Variants in NCK2 observed in about 807,000 individuals in gnomAD.
The protein encoded by NCK2 is cytoplasmic protein NCK2.
NCK2 carries 16 observed loss-of-function variants against 33.9 expected under a neutral mutation model. The ratio of observed to expected loss-of-function variants is 0.47; its 90% CI spans 0.32 to 0.72. NCK2 has a LOEUF of 0.72. NCK2 is among the 30% of genes least tolerant of loss of function. The pLI, the probability that NCK2 is intolerant of heterozygous loss-of-function variation, is 0.03. For missense variants in NCK2, 418 were observed against 537.3 expected (o/e 0.78, Z 2.19); for synonymous variants, 273 against 239.9 (o/e 1.14, Z -1.27).
chr2:105,848,766 A>T (rs944563631), intron 2 of NCK2, among the ~76,000 whole-genome samples: 7 of 152,224 alleles, frequency 4.6e-5, no homozygotes, highest in African/African-American at 1.7e-4. Context: ...CTGTATTTGA[A>T]TGAGTTTCCA....
intron 1 of NCK2, among the ~76,000 whole-genome samples, chr2:105,783,864 C>G (rs1215458069): frequency 1.3e-5 from 2 of 152,124 alleles, no homozygotes; most frequent in Non-Finnish European, 2.9e-5. Flanking sequence ...TGTTTCGCTT[C>G]TCCCTTTATA....
intron 2 of NCK2, among the ~76,000 whole-genome samples, chr2:105,820,910 GAGTC>G (rs1430160048): frequency 6.6e-6 from 1 of 152,174 alleles, no homozygotes; most frequent in Admixed American, 6.5e-5. Flanking sequence ...TTCACAAACC[GAGTC>G]AGTTGGTGAT....
At chr2:105,885,899 T>G (rs1429536761) in intron 4 of NCK2, among the ~76,000 whole-genome samples, 2 of 152,088 alleles carry the variant, frequency 1.3e-5, no homozygotes, top group Non-Finnish European at 2.9e-5. Flanking sequence ...TTGGGGGGCT[T>G]TTTTGTGTTT....
rs570279488 is a variant in NCK2 at position 105,892,184 on chromosome 2, C to CA, written c.949-787dup. Among the ~76,000 whole-genome samples, 1,043 of 137,514 alleles carry CA rather than the reference C, an allele frequency of 7.6e-3. 4 individuals carry two copies. Among genetic ancestry groups the CA allele is most frequent in the Non-Finnish European group, 0.011 (665 of 63,298 alleles). The allele number at this position is 137,514 out of a possible 152,430, so 90.2% of individuals were successfully genotyped here. A position where few individuals can be genotyped will look rare whatever the true frequency, so the allele number is the denominator to read the frequency against. ...GGGCAACAAAAGCAAAACTGCGTCT[C>CA]AAAAAAAAAAAGAATTAGAAAAATT... On this transcript the variant is annotated intron_variant, in intron 4 of 4. Transcript: ENST00000233154.
chr2:105,855,516 T>C (rs1025285474), intron 3 of NCK2: 1 of 464,024 alleles, frequency 2.2e-6, no homozygotes, highest in East Asian at 3.7e-5. Context: ...TGGAGACACT[T>C]TGTGTGCTTG....
At chr2:105,886,788 CA>C (rs2104677675) in intron 4 of NCK2, among the ~76,000 whole-genome samples, 1 of 152,306 alleles carries the variant, frequency 6.6e-6, no homozygotes, top group South Asian at 2.1e-4. Context: ...GAGGGCTAAC[CA>C]CACACATGCA....
At chr2:105,851,488 A>G (rs1677067326) in intron 2 of NCK2, among the ~76,000 whole-genome samples, 1 of 151,942 alleles carries the variant, frequency 6.6e-6, no homozygotes. Context: ...CCATCTCCTG[A>G]CCTCGTGAAG....
chr2:105,893,068 G>T lies in NCK2; in HGVS notation c.1035G>T (p.Gly345=). ...TCGTGGACAATGTCTACTGCATTGG[G>T]CAGCGGCGCTTCCACACCATGGACG... ...VQLVDNVYCI[G]QRRFHTMDEL... The change falls in exon 5 of 5, where the codon GGG becomes GGT. Residue 345 remains glycine, a synonymous_variant. Coordinates refer to ENST00000233154, the MANE Select transcript of NCK2 (RefSeq NM_003581.5). 2 of 1,614,154 alleles carry T rather than the reference G, an allele frequency of 1.2e-6. No homozygotes were observed. The highest frequency in any genetic ancestry group is 1.7e-6 in the Non-Finnish European group (2 of 1,180,012).
Position 105,828,717 on chromosome 2 carries a change from T to C in NCK2, c.-17+12104T>C, listed in dbSNP as rs185300070. Among the ~76,000 whole-genome samples the C allele has an allele frequency of 8.9e-4, 136 of 152,278 alleles. 1 individual carries two copies. Among genetic ancestry groups the C allele is most frequent in the Non-Finnish European group, 1.8e-3 (120 of 68,026 alleles). ...ATGACATCTTGAGCAGGTCACCACTTCCCCCTTGGGGCTGCTGTAGGAGTG... is the reference window on the plus strand; with the variant it reads ...ATGACATCTTGAGCAGGTCACCACTCCCCCCTTGGGGCTGCTGTAGGAGTG... On this transcript the variant is annotated intron_variant, in intron 2 of 4. Transcript: ENST00000233154.
intron 1 of NCK2, among the ~76,000 whole-genome samples, chr2:105,786,077 C>T (rs1690671316): frequency 6.6e-6 from 1 of 152,222 alleles, no homozygotes; most frequent in South Asian, 2.1e-4. Context: ...GTCCCTTCCA[C>T]TGCACATCTC....
chr2:105,888,682 G>T (rs1340445299), intron 4 of NCK2, among the ~76,000 whole-genome samples: 5 of 152,210 alleles, frequency 3.3e-5, no homozygotes, highest in African/African-American at 1.2e-4. Context: ...ACCAAGATGT[G>T]GCAGAAGCGA....
intron 3 of NCK2, among the ~76,000 whole-genome samples, chr2:105,873,606 C>T (rs943038430): frequency 6.6e-6 from 1 of 151,928 alleles, no homozygotes; most frequent in Non-Finnish European, 1.5e-5. Flanking sequence ...CAGTTTGGCT[C>T]GTTTAAGGGG....
In NCK2 at chr2:105,882,116, G is replaced by T. The variant is rs1287837884; in HGVS notation, c.948+67G>T. The T allele has an allele frequency of 2.8e-6, 4 of 1,413,650 alleles. No homozygotes were observed. The East Asian group carries it at 1.0e-4, about 37-fold the overall frequency. The allele number at this position is 1,413,650 out of a possible 1,614,324, so 87.6% of individuals were successfully genotyped here. A position where few individuals can be genotyped will look rare whatever the true frequency, so the allele number is the denominator to read the frequency against. On this transcript the variant is annotated intron_variant, in intron 4 of 4. Transcript: ENST00000233154. ...TGCGCCTTGCGCGGTGGGTCTGTGT[G>T]CCGCGCCCTTTTCACATTGTGTGAG... is the stretch of plus-strand genomic sequence containing the variant.
intron 1 of NCK2, among the ~76,000 whole-genome samples, chr2:105,796,350 C>G (rs1691080495): frequency 6.6e-6 from 1 of 152,204 alleles, no homozygotes; most frequent in South Asian, 2.1e-4. Flanking sequence ...TATCTTATCT[C>G]TGTACTTCCT....
intron 1 of NCK2, among the ~76,000 whole-genome samples, chr2:105,772,724 A>G (rs1690173378): frequency 6.6e-6 from 1 of 151,952 alleles, no homozygotes; most frequent in Admixed American, 6.6e-5. Context: ...TTTTTCCCCG[A>G]AACTCTTCTT....
intron 2 of NCK2, among the ~76,000 whole-genome samples, chr2:105,842,119 C>T (rs1169087799): frequency 1.3e-5 from 2 of 151,406 alleles, no homozygotes; most frequent in African/African-American, 2.4e-5. Flanking sequence ...CGGAGTTTCT[C>T]TCGTTTCCCA....
At chr2:105,747,483 A>G (rs1573545973) in intron 1 of NCK2, among the ~76,000 whole-genome samples, 1 of 152,306 alleles carries the variant, frequency 6.6e-6, no homozygotes, top group Middle Eastern at 3.4e-3. Flanking sequence ...TAACTGCTCA[A>G]ACTGGCTTGC....
intron 1 of NCK2, among the ~76,000 whole-genome samples, chr2:105,814,925 A>G (rs1675427228): frequency 6.6e-6 from 1 of 152,182 alleles, no homozygotes; most frequent in Admixed American, 6.5e-5. Context: ...TTAACAACAC[A>G]ACTTAACGTT....
chr2:105,844,897 T>C (rs1357200878), intron 2 of NCK2, among the ~76,000 whole-genome samples: 1 of 151,770 alleles, frequency 6.6e-6, no homozygotes, highest in East Asian at 1.9e-4. Flanking sequence ...TCTTAAATGA[T>C]AGGGATGGTT....
Sources: gnomAD v4.1 joint callset for allele counts (sites outside exome capture counted in the v4.1 genomes callset) on GRCh38, gnomAD v4.1.1 for gene constraint, MANE v1.5 for transcripts, NCBI Gene and HGNC (gene_info 2026-07-23, HGNC 2026-07-21) for gene names.